The following DAG1 variants were observed in gnomAD, a reference collection of about 807,000 sequenced individuals.
The protein encoded by DAG1 is dystroglycan 1.
DAG1 carries 8 observed loss-of-function variants against 46.1 expected under a neutral mutation model. That is an observed-to-expected ratio of 0.17 (90% CI 0.10 to 0.31). The LOEUF (loss-of-function observed/expected upper bound fraction) is 0.31. DAG1 is among the 10% of genes least tolerant of loss of function. The pLI, the probability that DAG1 is intolerant of heterozygous loss-of-function variation, is 1.00. For synonymous variants in DAG1, 495 were observed against 481.8 expected, an observed-to-expected ratio of 1.03 and a Z score of -0.36; for missense variants, 1,003 against 1,189.9, an observed-to-expected ratio of 0.84 and a Z score of 2.31.
At chr3:49,469,550 C>G (rs1326396637), upstream of DAG1, among the ~76,000 whole-genome samples, 1 of 152,080 alleles carries the variant, frequency 6.6e-6, no homozygotes, top group African/African-American at 2.4e-5. Flanking sequence ...CTATTTTGGG[C>G]AGGAGAGCAG....
chr3:49,526,104 G>C (rs1418248882), intron 2 of DAG1, among the ~76,000 whole-genome samples: 1 of 152,192 alleles, frequency 6.6e-6, no homozygotes. Flanking sequence ...ACCCACCTCA[G>C]CCTCCCAAAG....
At chr3:49,471,539 T>G (rs1017886950) in intron 1 of DAG1, among the ~76,000 whole-genome samples, 50 of 140,874 alleles carry the variant, frequency 3.5e-4, no homozygotes, top group Admixed American at 1.6e-3. Context: ...CTTTTGTGGG[T>G]TTTTTTTGCT....
chr3:49,499,036 G>C (rs2050381357), intron 1 of DAG1, among the ~76,000 whole-genome samples: 1 of 152,154 alleles, frequency 6.6e-6, no homozygotes, highest in South Asian at 2.1e-4. Flanking sequence ...AATGACTGTG[G>C]CAAATGATAG....
intron 1 of DAG1, among the ~76,000 whole-genome samples, chr3:49,480,436 C>G (rs1005033799): frequency 2.0e-5 from 3 of 150,704 alleles, no homozygotes; most frequent in African/African-American, 7.3e-5. Flanking sequence ...CCACCACGCC[C>G]GGCTAATTTT....
chr3:49,487,861 C>G (rs1262435525), intron 1 of DAG1, among the ~76,000 whole-genome samples: 1 of 151,894 alleles, frequency 6.6e-6, no homozygotes, highest in Non-Finnish European at 1.5e-5. Flanking sequence ...CGCCACCATA[C>G]ACGGCTAATT....
intron 1 of DAG1, among the ~76,000 whole-genome samples, chr3:49,478,527 G>GTTTTTTTTTTTTTT (rs35150889): frequency 1.2e-5 from 1 of 85,072 alleles, no homozygotes; most frequent in Non-Finnish European, 2.1e-5. Context: ...GAGCCCAAGA[G>GTTTTTTTTTTTTTT]TTTTTTTTTT....
At chr3:49,530,649 G>T (rs986419979) in intron 2 of DAG1, 148 bp from the exon 3 acceptor site, 7 of 1,143,346 alleles carry the variant, frequency 6.1e-6, no homozygotes, top group Non-Finnish European at 8.9e-6. Flanking sequence ...ACTCAGTTGT[G>T]TCTCTCTAGG....
chr3:49,477,831 A>G (rs2049726098), intron 1 of DAG1, among the ~76,000 whole-genome samples: 1 of 151,226 alleles, frequency 6.6e-6, no homozygotes, highest in Non-Finnish European at 1.5e-5. Flanking sequence ...GCGTGGTGGC[A>G]GGTGCCTGTA....
chr3:49,478,802 C>CTTTTTTTTTTTTTTTTTTTTTTTT lies in DAG1; in HGVS notation c.-117+8374_-117+8397dup, dbSNP rs201202889. Reference sequence around the variant, plus strand: ...TGAAAAGTCTCTTGTCGTCCCCTCCCTTTTTTTTTTTTTTTTTTTTTTTTT... The same window carrying CTTTTTTTTTTTTTTTTTTTTTTTT: ...TGAAAAGTCTCTTGTCGTCCCCTCCCTTTTTTTTTTTTTTTTTTTTTTTTTTTTTTTTTTTTTTTTTTTTTTTTT... On this transcript the variant is annotated intron_variant, in intron 1 of 2. Transcript: ENST00000308775. Among the ~76,000 whole-genome samples the CTTTTTTTTTTTTTTTTTTTTTTTT allele has an allele frequency of 1.7e-4, 13 of 76,010 alleles. 1 individual carries two copies. The highest frequency in any genetic ancestry group is 2.1e-4 in the African/African-American group (4 of 18,622). The allele number at this position is 76,010 out of a possible 152,430, so 49.9% of individuals were successfully genotyped here.
At chr3:49,470,738 G>A (rs1465811442) in intron 1 of DAG1, among the ~76,000 whole-genome samples, 2 of 152,230 alleles carry the variant, frequency 1.3e-5, no homozygotes, top group Non-Finnish European at 2.9e-5. Flanking sequence ...CCTTGGCCGC[G>A]GTCGTGAGCC....
At chr3:49,513,792 G>A (rs561582184) in intron 2 of DAG1, among the ~76,000 whole-genome samples, 1 of 152,260 alleles carries the variant, frequency 6.6e-6, no homozygotes, top group African/African-American at 2.4e-5. Context: ...TAATATCCCA[G>A]CAAGCTAGAT....
At chr3:49,526,977 T>C (rs541694482) in intron 2 of DAG1, among the ~76,000 whole-genome samples, 1 of 152,368 alleles carries the variant, frequency 6.6e-6, no homozygotes, top group East Asian at 1.9e-4. Context: ...TAGAATGGCC[T>C]GAGTTTGTTC....
chr3:49,511,124 A>C (rs986190153), intron 2 of DAG1: 9 of 355,610 alleles, frequency 2.5e-5, no homozygotes, highest in African/African-American at 2.0e-4. Flanking sequence ...GGGAAAGGTT[A>C]CCTTTAATAA....
At chr3:49,525,995 C>T (rs1250722846) in intron 2 of DAG1, among the ~76,000 whole-genome samples, 1 of 151,918 alleles carries the variant, frequency 6.6e-6, no homozygotes, top group Non-Finnish European at 1.5e-5. Flanking sequence ...GGATTATAGG[C>T]GCCTGCCAGC....
rs1421891404 is a variant in DAG1 at position 49,531,007 on chromosome 3, T to G, written c.496T>G (p.Ser166Ala). The G allele has an allele frequency of 1.2e-6, 2 of 1,614,046 alleles. No individual in the cohort carries two copies. The highest frequency in any genetic ancestry group is 1.7e-6 in the Non-Finnish European group (2 of 1,180,026). ...CCCTGAAGACCACAGTGAGCTGCAG[T>G]CGGTGAGGACAGCCTCCCCAGACCC... is the stretch of plus-strand genomic sequence containing the variant. ...VYPEDHSELQ[S>A]VRTASPDPGE... Residue 166 changes from serine to alanine, a missense_variant, in exon 3 of 3, where the codon TCG becomes GCG. Ser to Ala is a moderately conservative substitution (Grantham distance 99). Coordinates refer to ENST00000308775, the MANE Select transcript of DAG1 (RefSeq NM_004393.6). This position sits in a 1 kb window ranked among gnomAD's most constrained non-coding sequence, Gnocchi z 7.0.
intron 1 of DAG1, among the ~76,000 whole-genome samples, chr3:49,470,793 G>C (rs759816945): frequency 6.6e-6 from 1 of 152,258 alleles, no homozygotes; most frequent in Non-Finnish European, 1.5e-5. Context: ...TTGTGGCCCA[G>C]TTGGGCCGGA....
intron 1 of DAG1, among the ~76,000 whole-genome samples, chr3:49,503,459 C>T (rs1358594818): frequency 2.6e-5 from 4 of 152,178 alleles, no homozygotes; most frequent in Non-Finnish European, 5.9e-5. Context: ...GGATTCATTA[C>T]CTATCACATG....
chr3:49,530,860 C>T lies in DAG1; in HGVS notation c.349C>T (p.Leu117=), dbSNP rs146011758. The change falls in exon 3 of 3, where the codon CTG becomes TTG. Residue 117 remains leucine (L), a synonymous_variant. Transcript: ENST00000308775. ...GCACTGGGACTCACAGAGCCACACC[C>T]TGGAGGGCCTCCCCCTTGACACTGA... The part of the protein sequence containing the change: ...WLHWDSQSHT[L]EGLPLDTDKG... 1.0e-4 allele frequency: 169 copies of T among 1,614,082 alleles called. No homozygotes were observed. The highest frequency in any genetic ancestry group is 1.4e-4 in the Non-Finnish European group (161 of 1,180,038).
In DAG1 at chr3:49,531,965, G is replaced by A. The variant is rs764859263; in HGVS notation, c.1454G>A (p.Ser485Asn). The A allele has an allele frequency of 1.4e-5, 22 of 1,614,102 alleles. No homozygotes were observed. Among genetic ancestry groups the A allele is most frequent in the Middle Eastern group, 1.6e-4 (1 of 6,084 alleles). ...SPPTRIRTTTSGVPRGGEPNQ... is the reference protein window; with the variant it reads ...SPPTRIRTTTNGVPRGGEPNQ... ...CCTACTCGTATTCGCACCACCACCAGTGGAGTGCCCCGTGGCGGAGAACCC... is the reference window on the plus strand; with the variant it reads ...CCTACTCGTATTCGCACCACCACCAATGGAGTGCCCCGTGGCGGAGAACCC... The change falls in exon 3 of 3, where the codon AGT becomes AAT. Residue 485 changes from serine to asparagine, a missense_variant. By Grantham distance (46) the Ser-to-Asn change is conservative. Transcript: ENST00000308775. This position sits in a 1 kb window ranked among gnomAD's most constrained non-coding sequence, Gnocchi z 7.0.
Sources: allele counts gnomAD v4.1 joint callset (sites outside exome capture counted in the v4.1 genomes callset), GRCh38; gene constraint gnomAD v4.1.1; non-coding constraint Gnocchi (gnomAD v3.1); transcripts MANE v1.5; gene names NCBI Gene and HGNC (gene_info 2026-07-23, HGNC 2026-07-21).